TTBK1: variants seen among roughly 807,000 people sequenced by gnomAD.
TTBK1 encodes the protein tau tubulin kinase 1.
A neutral mutation model predicts 108.5 loss-of-function variants in TTBK1; 34 were observed. The observed-to-expected ratio is 0.31, with a 90% CI of 0.24 to 0.42. The LOEUF is 0.42. TTBK1 is among the 10% of genes least tolerant of loss of function. TTBK1 has a pLI of 1.00. For synonymous variants in TTBK1, 809 were observed against 795.1 expected (o/e 1.02, Z -0.29); for missense variants, 1,539 against 1,826.0 (o/e 0.84, Z 2.86).
intron 13 of TTBK1, chr6:43,271,193 G>C: frequency 1.3e-5 from 13 of 985,518 alleles, no homozygotes; most frequent in Non-Finnish European, 1.6e-5. Context: ...ATGGGGAGGG[G>C]AGGAGGCCCA....
chr6:43,255,875 GC>G lies in TTBK1; in HGVS notation c.861+24del, dbSNP rs1455721544. ...CTACCAGGTGGGAGCCTGCTACCCT[GC>G]CCCCGCTCCCTCGACACCACTCTGT... On this transcript the variant is annotated intron_variant, in intron 9 of 14. Coordinates refer to ENST00000259750, the MANE Select transcript of TTBK1 (RefSeq NM_032538.3). 2.5e-6 allele frequency: 4 copies of G among 1,613,892 alleles called. No homozygotes were observed. In the Admixed American group the frequency reaches 5.0e-5, roughly 20 times the overall value.
intron 13 of TTBK1, chr6:43,272,363 T>C: frequency 5.1e-6 from 5 of 985,476 alleles, no homozygotes; most frequent in Non-Finnish European, 6.0e-6. Flanking sequence ...TTGAAGATGA[T>C]GGCACTGGCT....
At position 43,282,652 on chromosome 6, in the gene TTBK1, G is replaced by T. The variant is rs746295087; in HGVS notation, c.1987-75G>T. The T allele has an allele frequency of 3.7e-5, 48 of 1,282,926 alleles. No homozygotes were observed. Among genetic ancestry groups the T allele is most frequent in the Non-Finnish European group, 5.1e-5 (47 of 915,756 alleles). 79.5% of individuals were successfully genotyped at this position (1,282,926 alleles called of 1,614,324 possible). A position where few individuals can be genotyped will look rare whatever the true frequency, so the allele number is the denominator to read the frequency against. On this transcript the variant is annotated intron_variant, in intron 13 of 14. Transcript: ENST00000259750. This position sits in a 1 kb window ranked among gnomAD's most constrained non-coding sequence, Gnocchi z 5.4. ...CCTGGGCCTGTGAGTCTCCTAGGTT[G>T]TGGGTGCAGCTGAAGTCTTCCTGGG...
rs1012111513 is a variant in TTBK1 at position 43,265,599 on chromosome 6, G to A, written c.1986+2249G>A. ...ACCCAGCACCAGGCAGCAGGAGAGGGAGCAAAATGTGTTTGGGGTCCTTGC... is the reference window on the plus strand; with the variant it reads ...ACCCAGCACCAGGCAGCAGGAGAGGAAGCAAAATGTGTTTGGGGTCCTTGC... On this transcript the variant is annotated intron_variant, in intron 13 of 14. Transcript: ENST00000259750. The surrounding 1 kb of genome is among the most constrained non-coding windows in gnomAD (Gnocchi z 4.1). 6.6e-6 allele frequency among the ~76,000 whole-genome samples: 1 copy of A among 152,218 alleles called. No individual in the cohort carries two copies. The highest frequency in any genetic ancestry group is 1.5e-5 in the Non-Finnish European group (1 of 68,032).
At chr6:43,262,514 C>T (rs147294356) in intron 12 of TTBK1, among the ~76,000 whole-genome samples, 132 of 152,296 alleles carry the variant, frequency 8.7e-4, no homozygotes, top group African/African-American at 3.0e-3. Context: ...TTATTTTCTG[C>T]TTGTTTGTAT....
At chr6:43,256,364 A>G (rs1777380931) in intron 9 of TTBK1, among the ~76,000 whole-genome samples, 1 of 151,920 alleles carries the variant, frequency 6.6e-6, no homozygotes, top group African/African-American at 2.4e-5. Context: ...CAAGCTCCTG[A>G]CCTTTTGATC....
Position 43,284,052 on chromosome 6 carries a change from G to A in TTBK1, c.3312G>A (p.Arg1104=). The A allele has an allele frequency of 6.5e-7, 1 of 1,544,600 alleles. No homozygotes were observed. Among genetic ancestry groups the A allele is most frequent in the Non-Finnish European group, 8.7e-7 (1 of 1,143,616 alleles). Residue 1104 remains arginine (R), a synonymous_variant, in exon 14 of 15, where the codon CGG becomes CGA. Transcript: ENST00000259750. ...AGAGGCAGGGCCGCCTGCTGTTGCG[G>A]CTGGCCTCAGGGGCCTCGTCCTCCT... ...MEKRQGRLLL[R]LASGASSSSS...
At chr6:43,271,798 A>G (rs570751799) in intron 13 of TTBK1, 2 of 834,168 alleles carry the variant, frequency 2.4e-6, no homozygotes, top group South Asian at 1.1e-4. Flanking sequence ...TTTATTTTTG[A>G]GGATGTCTGG....
chr6:43,244,897 G>C (rs760670599), intron 1 of TTBK1, among the ~76,000 whole-genome samples: 1 of 151,988 alleles, frequency 6.6e-6, no homozygotes, highest in Admixed American at 6.6e-5. Flanking sequence ...CCTTCATCCT[G>C]CCACTGCCCT....
chr6:43,282,062 C>T lies in TTBK1; in HGVS notation c.1987-665C>T, dbSNP rs1778179167. ...TCAAGTATACCTGTCGAGGGCTGGA[C>T]AAATTCCTGGCTGAGAGGATGGATT... On this transcript the variant is annotated intron_variant, in intron 13 of 14. Transcript: ENST00000259750. The surrounding 1 kb of genome is among the most constrained non-coding windows in gnomAD (Gnocchi z 5.4). 6.6e-6 allele frequency among the ~76,000 whole-genome samples: 1 copy of T among 152,242 alleles called. No individual in the cohort carries two copies. Among genetic ancestry groups the T allele is most frequent in the Non-Finnish European group, 1.5e-5 (1 of 68,036 alleles).
In TTBK1 at chr6:43,284,551, A is replaced by C. The variant is rs114655871; in HGVS notation, c.3572+239A>C. 4.3e-3 allele frequency among the ~76,000 whole-genome samples: 648 copies of C among 152,342 alleles called. 9 individuals are homozygous for C. Among genetic ancestry groups the C allele is most frequent in the African/African-American group, 0.015 (618 of 41,574 alleles). ...GTGTGGAGGGGGTGCCGGAGAGGCC[A>C]GGCTTAGGAAAAGCTGATGGGGGCC... On this transcript the variant is annotated intron_variant, in intron 14 of 14. Coordinates refer to ENST00000259750, the MANE Select transcript of TTBK1 (RefSeq NM_032538.3).
chr6:43,247,998 A>G (rs917971448), intron 2 of TTBK1: 2 of 152,186 alleles, frequency 1.3e-5, no homozygotes, highest in Middle Eastern at 3.2e-3. Flanking sequence ...TAATAAAAGG[A>G]ACGAGGGTCT....
rs1777394642 is a variant in TTBK1, at chr6:43,256,840, T to C, written c.862-972T>C. Reference sequence around the variant, plus strand: ...AAGTGGGATGATCATGCCCATTTCATAGATGAGGGAACTGAGGCCCAATAT... The same window carrying C: ...AAGTGGGATGATCATGCCCATTTCACAGATGAGGGAACTGAGGCCCAATAT... On this transcript the variant is annotated intron_variant, in intron 9 of 14. Coordinates refer to ENST00000259750, the MANE Select transcript of TTBK1 (RefSeq NM_032538.3). Among the ~76,000 whole-genome samples the C allele has an allele frequency of 1.3e-5, 2 of 152,322 alleles. 1 individual carries two copies. Among genetic ancestry groups the C allele is most frequent in the Middle Eastern group, 6.8e-3 (2 of 294 alleles).
intron 13 of TTBK1, among the ~76,000 whole-genome samples, chr6:43,275,582 G>A (rs1413658472): frequency 6.7e-6 from 1 of 148,508 alleles, no homozygotes; most frequent in African/African-American, 2.5e-5. Flanking sequence ...CTCACTGCCC[G>A]TCGGGCTGCC....
At chr6:43,258,891 G>A in intron 10 of TTBK1, 147 bp from the exon 11 acceptor site, 1 of 532,516 alleles carries the variant, frequency 1.9e-6, no homozygotes, top group East Asian at 3.2e-5. Context: ...CAATGGTGAT[G>A]GGCCTAGGGA....
intron 2 of TTBK1, among the ~76,000 whole-genome samples, chr6:43,250,348 CTTTTTT>C (rs555371314): frequency 0.23 from 20,676 of 89,206 alleles, 1,825 homozygotes; most frequent in East Asian, 0.42. Flanking sequence ...CCTGGCTTTG[CTTTTTT>C]TTTTTTTTTT....
chr6:43,284,069 C>G lies in TTBK1; in HGVS notation c.3329C>G (p.Ser1110Trp), dbSNP rs1316404901. 1.9e-6 allele frequency: 3 copies of G among 1,538,934 alleles called. No individual in the cohort carries two copies. The highest frequency in any genetic ancestry group is 1.2e-5 in the South Asian group (1 of 84,682). The change falls in exon 14 of 15, where the codon TCG (serine) becomes TGG (tryptophan). Residue 1110 changes from serine to tryptophan, a missense_variant. Physicochemically the swap from Ser to Trp is radical, Grantham distance 177. This residue lies in a region of TTBK1 where 1,055 missense variants were observed against 1,086.5 expected (regional missense o/e 0.97). Transcript: ENST00000259750. ...RLLLRLASGASSSSSEEQRRA... is the reference protein window; with the variant it reads ...RLLLRLASGAWSSSSEEQRRA... The stretch of plus-strand genomic sequence containing the variant: ...CTGTTGCGGCTGGCCTCAGGGGCCT[C>G]GTCCTCCTCCAGTGAGGAGCAGCGC...
chr6:43,271,842 C>A (rs1353253438), intron 13 of TTBK1: 1 of 984,762 alleles, frequency 1.0e-6, no homozygotes, highest in African/African-American at 1.8e-5. Flanking sequence ...GCAACAAAAG[C>A]CAGATTTGGG....
At position 43,286,171 on chromosome 6, in the gene TTBK1, C is replaced by A. The variant is rs1562105032; in HGVS notation, c.*795C>A. On this transcript the variant is annotated 3_prime_UTR_variant, in exon 15 of 15. Transcript: ENST00000259750. This position sits in a 1 kb window ranked among gnomAD's most constrained non-coding sequence, Gnocchi z 4.6. ...CTCTTGCCTCCAGATTTGGGTGGAG[C>A]CTCTGTGGGAACCATAGGAAGTGTG... The A allele has an allele frequency of 6.6e-6, 1 of 152,626 alleles. No homozygotes were observed. The highest frequency in any genetic ancestry group is 2.4e-5 in the African/African-American group (1 of 41,426). The allele number at this position is 152,626 out of a possible 1,614,324, so 9.5% of individuals were successfully genotyped here. A position where few individuals can be genotyped will look rare whatever the true frequency, so the allele number is the denominator to read the frequency against.
Sources: allele counts gnomAD v4.1 joint callset (sites outside exome capture counted in the v4.1 genomes callset), GRCh38; gene constraint gnomAD v4.1.1; regional missense constraint gnomAD v4.1.1; non-coding constraint Gnocchi (gnomAD v3.1); transcripts MANE v1.5; gene names NCBI Gene and HGNC (gene_info 2026-07-23, HGNC 2026-07-21).